The following SVEP1 variants were observed in gnomAD, a reference collection of about 807,000 sequenced individuals.
SVEP1 encodes sushi, von Willebrand factor type A, EGF and pentraxin domain containing 1, also known as sushi, von Willebrand factor type A, EGF and pentraxin domain-containing protein 1.
In SVEP1, 164 loss-of-function variants were observed where a neutral mutation model predicts 367.3. That is an observed-to-expected ratio of 0.45 (90% CI 0.39 to 0.51). The LOEUF (loss-of-function observed/expected upper bound fraction) is 0.51. SVEP1 is among the 20% of genes least tolerant of loss of function. The pLI is 0.00. For synonymous variants in SVEP1, 1,666 were observed against 1,611.6 expected, an observed-to-expected ratio of 1.03 and a Z score of -0.81; for missense variants, 4,117 against 4,425.3, an observed-to-expected ratio of 0.93 and a Z score of 1.98.
intron 22 of SVEP1, 24 bp downstream of exon 22, chr9:110,455,566 G>A: frequency 6.4e-7 from 1 of 1,556,332 alleles, no homozygotes; most frequent in Non-Finnish European, 8.8e-7. Context: ...TTATATTGTT[G>A]AAAACAGGAG....
chr9:110,375,258 A>T, intron 46 of SVEP1, 110 bp downstream of exon 46: 1 of 928,792 alleles, frequency 1.1e-6, no homozygotes. Context: ...GAGAAACATC[A>T]GTACTTTTTC....
At chr9:110,478,028 A>G (rs953941940) in intron 13 of SVEP1, among the ~76,000 whole-genome samples, 1 of 152,122 alleles carries the variant, frequency 6.6e-6, no homozygotes, top group African/African-American at 2.4e-5. Flanking sequence ...CTTTTTGACC[A>G]TCTATCACTC....
chr9:110,564,209 G>A (rs76333629), intron 1 of SVEP1, among the ~76,000 whole-genome samples: 10 of 152,160 alleles, frequency 6.6e-5, no homozygotes, highest in Admixed American at 2.6e-4. Context: ...TTCCAAAAGG[G>A]CACCAAATGC....
At chr9:110,544,518 T>C (rs1830193028) in intron 3 of SVEP1, among the ~76,000 whole-genome samples, 1 of 152,256 alleles carries the variant, frequency 6.6e-6, no homozygotes, top group Admixed American at 6.5e-5. Context: ...ACAAGATTCC[T>C]AAGTTTCCTT....
In SVEP1 at chr9:110,457,442, C is replaced by T. The variant is rs1588062902; in HGVS notation, c.3577-90G>A. 4.1e-6 allele frequency: 4 copies of T among 982,368 alleles called. 1 individual carries two copies. The East Asian group carries it at 7.7e-5, about 19-fold the overall frequency. 60.9% of individuals were successfully genotyped at this position (982,368 alleles called of 1,614,324 possible). A position where few individuals can be genotyped will look rare whatever the true frequency, so the allele number is the denominator to read the frequency against. ...TTAGAGTCAGGTTTGCAACATTAGA[C>T]AGCTCGTTCCTCCTGTTTCCAGGTA... On this transcript the variant is annotated intron_variant, in intron 20 of 47. Transcript: ENST00000374469.
At chr9:110,538,511 A>G (rs1830105958) in intron 3 of SVEP1, among the ~76,000 whole-genome samples, 1 of 152,080 alleles carries the variant, frequency 6.6e-6, no homozygotes, top group Non-Finnish European at 1.5e-5. Context: ...GAAAGTGTGT[A>G]TGTGTGCAGG....
chr9:110,434,156 C>T (rs1828396287), intron 30 of SVEP1, among the ~76,000 whole-genome samples, 180 bp downstream of exon 30: 1 of 152,178 alleles, frequency 6.6e-6, no homozygotes, highest in Non-Finnish European at 1.5e-5. Context: ...CCTCTGGATC[C>T]TAATCACCCA....
chr9:110,403,853 CTT>C (rs11439177), intron 39 of SVEP1, among the ~76,000 whole-genome samples: 15 of 144,162 alleles, frequency 1.0e-4, no homozygotes, highest in South Asian at 2.2e-4. Flanking sequence ...TAATAATACA[CTT>C]TTTTTTTTTT....
intron 40 of SVEP1, among the ~76,000 whole-genome samples, chr9:110,396,351 G>T (rs911685522): frequency 6.6e-6 from 1 of 152,042 alleles, no homozygotes; most frequent in Admixed American, 6.6e-5. Flanking sequence ...TCAAAGCAGT[G>T]TGTAGAGGGA....
At position 110,408,077 on chromosome 9, in the gene SVEP1, T is replaced by G; in HGVS notation, c.7523A>C (p.Lys2508Thr). ...CLKPKEILNG[K>T]FSYTDLHYGQ... Reference sequence around the variant, plus strand: ...ATAGTGTAGGTCCGTGTAAGAGAATTTGCCATTCAAAATCTCCTTGGGTTT... The same window carrying G: ...ATAGTGTAGGTCCGTGTAAGAGAATGTGCCATTCAAAATCTCCTTGGGTTT... Residue 2508 changes from lysine (K) to threonine (T), a missense_variant, in exon 38 of 48, where the codon AAA becomes ACA. Transcript: ENST00000374469. The G allele has an allele frequency of 6.2e-7, 1 of 1,613,878 alleles. No individual in the cohort carries two copies. Among genetic ancestry groups the G allele is most frequent in the Non-Finnish European group, 8.5e-7 (1 of 1,179,868 alleles).
chr9:110,530,980 G>A (rs1216740161), intron 3 of SVEP1, among the ~76,000 whole-genome samples: 1 of 152,098 alleles, frequency 6.6e-6, no homozygotes, highest in Non-Finnish European at 1.5e-5. Context: ...TTTAAAAAGT[G>A]TAATGTTTCT....
rs915396498 is a variant in SVEP1, at chr9:110,429,314, A to G, written c.5636T>C (p.Leu1879Pro). ...ACAGGATGATTCTTTATCACCGGCC[A>G]GAGTATATCCTTTATTACACCTAAA... ...VTYRCNKGYTLAGDKESSCLA... is the reference protein window; with the variant it reads ...VTYRCNKGYTPAGDKESSCLA... Residue 1879 changes from leucine (L) to proline (P), a missense_variant, in exon 35 of 48, where the codon CTG (leucine) becomes CCG (proline). Physicochemically the swap from Leu to Pro is moderately conservative, Grantham distance 98. This residue lies in a region of SVEP1 where 2,174 missense variants were observed against 2,494.3 expected (regional missense o/e 0.87). Coordinates refer to ENST00000374469, the MANE Select transcript of SVEP1 (RefSeq NM_153366.4). The G allele has an allele frequency of 6.3e-7, 1 of 1,579,404 alleles. No homozygotes were observed. The highest frequency in any genetic ancestry group is 8.6e-7 in the Non-Finnish European group (1 of 1,163,080).
At chr9:110,447,993 T>C (rs372547965) in intron 24 of SVEP1, among the ~76,000 whole-genome samples, 1 of 152,204 alleles carries the variant, frequency 6.6e-6, no homozygotes, top group Non-Finnish European at 1.5e-5. Context: ...AGAATATGTA[T>C]GTTATGATAC....
rs112923074 is a variant in SVEP1, at chr9:110,439,094, C to T, written c.4640-2590G>A. Reference sequence around the variant, plus strand: ...ACTGCTATGCACTGAACTGTGTCCCCGCCAAATTTATATGTTGAAGCCCTA... The same window carrying T: ...ACTGCTATGCACTGAACTGTGTCCCTGCCAAATTTATATGTTGAAGCCCTA... On this transcript the variant is annotated intron_variant, in intron 27 of 47. Transcript: ENST00000374469. Among the ~76,000 whole-genome samples the T allele has an allele frequency of 2.4e-3, 362 of 152,268 alleles. 2 individuals are homozygous for T. The highest frequency in any genetic ancestry group is 7.9e-3 in the African/African-American group (329 of 41,546).
chr9:110,501,991 C>G (rs373225962), intron 6 of SVEP1, among the ~76,000 whole-genome samples: 2 of 151,834 alleles, frequency 1.3e-5, no homozygotes, highest in African/African-American at 2.4e-5. Flanking sequence ...AATTTTCTAT[C>G]TTTTTTGGTA....
At chr9:110,410,472 A>T (rs939670839) in intron 37 of SVEP1, among the ~76,000 whole-genome samples, 1 of 152,210 alleles carries the variant, frequency 6.6e-6, no homozygotes, top group African/African-American at 2.4e-5. Flanking sequence ...ATATTTCTCT[A>T]GGTTCCATTT....
intron 1 of SVEP1, among the ~76,000 whole-genome samples, chr9:110,567,985 A>G (rs1218600286): frequency 6.6e-6 from 1 of 152,144 alleles, no homozygotes; most frequent in African/African-American, 2.4e-5. Context: ...GAGACCTATC[A>G]CCCTTAAGCT....
intron 47 of SVEP1, 40 bp downstream of exon 47, chr9:110,369,883 C>G: frequency 6.4e-7 from 1 of 1,554,828 alleles, no homozygotes; most frequent in Non-Finnish European, 8.8e-7. Flanking sequence ...ATTTTAGAGT[C>G]TTCATGTTAT....
intron 44 of SVEP1, among the ~76,000 whole-genome samples, chr9:110,377,733 C>G (rs1052058987): frequency 6.6e-6 from 1 of 152,176 alleles, no homozygotes; most frequent in Non-Finnish European, 1.5e-5. Context: ...GGTGAGAACA[C>G]AAGATCTATC....
Sources: gnomAD v4.1 joint callset for allele counts (sites outside exome capture counted in the v4.1 genomes callset) on GRCh38, gnomAD v4.1.1 for gene constraint, gnomAD v4.1.1 regional missense constraint, MANE v1.5 for transcripts, NCBI Gene and HGNC (gene_info 2026-07-23, HGNC 2026-07-21) for gene names.